TSC22D1: variants seen among roughly 807,000 people sequenced by gnomAD.
The protein encoded by TSC22D1 is TSC22 domain family protein 1.
In TSC22D1, 9 loss-of-function variants were observed where a neutral mutation model predicts 74.2. The ratio of observed to expected loss-of-function variants is 0.12; its 90% CI spans 0.07 to 0.21. The LOEUF is 0.21. Among genes scored for constraint, TSC22D1 ranks in the 10% least tolerant of loss-of-function variants. TSC22D1 has a pLI of 1.00. For missense variants in TSC22D1, 1,427 were observed against 1,304.7 expected, an observed-to-expected ratio of 1.09 and a Z score of -1.44; for synonymous variants, 586 against 492.5, an observed-to-expected ratio of 1.19 and a Z score of -2.51.
chr13:44,461,495 A>G (rs1876995440), intron 1 of TSC22D1, among the ~76,000 whole-genome samples: 1 of 152,214 alleles, frequency 6.6e-6, no homozygotes, highest in Non-Finnish European at 1.5e-5. Flanking sequence ...GATGGTGAGT[A>G]GTCAGTAAAG....
intron 1 of TSC22D1, among the ~76,000 whole-genome samples, chr13:44,528,620 G>T (rs1231151185): frequency 2.6e-5 from 4 of 151,770 alleles, no homozygotes; most frequent in African/African-American, 4.8e-5. Flanking sequence ...TGAAACAGAA[G>T]AGCAATATAA....
chr13:44,457,445 T>C (rs1876723550), intron 1 of TSC22D1, among the ~76,000 whole-genome samples: 2 of 152,090 alleles, frequency 1.3e-5, no homozygotes, highest in Non-Finnish European at 2.9e-5. Context: ...AATGAGAGAA[T>C]ATGTGATGAG....
At chr13:44,513,047 T>A (rs1467755586) in intron 1 of TSC22D1, among the ~76,000 whole-genome samples, 1 of 152,224 alleles carries the variant, frequency 6.6e-6, no homozygotes, top group East Asian at 1.9e-4. Flanking sequence ...TCACCTCCAG[T>A]CCTAACTTTC....
At chr13:44,481,903 T>C (rs1878195404) in intron 1 of TSC22D1, among the ~76,000 whole-genome samples, 1 of 152,190 alleles carries the variant, frequency 6.6e-6, no homozygotes, top group Non-Finnish European at 1.5e-5. Context: ...TATTTAGCAA[T>C]CACATACAAA....
upstream of TSC22D1, chr13:44,576,512 G>T: frequency 6.3e-6 from 1 of 158,256 alleles, no homozygotes; most frequent in Non-Finnish European, 1.4e-5. Context: ...CCTCCCGGCC[G>T]CTCTGCACGG....
At position 44,575,116 on chromosome 13, in the gene TSC22D1, G is replaced by A; in HGVS notation, c.959C>T (p.Ala320Val). The A allele has an allele frequency of 6.2e-7, 1 of 1,614,136 alleles. No individual in the cohort carries two copies. The highest frequency in any genetic ancestry group is 8.5e-7 in the Non-Finnish European group (1 of 1,180,032). ...CACATTAGGATTAAAACTACCCACA[G>A]CAGTAATGTTAACATTATTTACTGT... ...TSTVNNVNIT[A>V]VGSFNPNVTS... The change falls in exon 1 of 3, where the codon GCT becomes GTT. Residue 320 changes from alanine (A) to valine (V), a missense_variant. Coordinates refer to ENST00000458659, the MANE Select transcript of TSC22D1 (RefSeq NM_183422.4).
chr13:44,442,147 A>T (rs1170003105), intron 1 of TSC22D1, among the ~76,000 whole-genome samples: 1 of 152,208 alleles, frequency 6.6e-6, no homozygotes, highest in Admixed American at 6.5e-5. Context: ...GTCCTACATA[A>T]AGCAGTTTAA....
chr13:44,444,567 T>C (rs537608540), intron 1 of TSC22D1, among the ~76,000 whole-genome samples: 1 of 151,946 alleles, frequency 6.6e-6, no homozygotes. Context: ...AAGAATATTA[T>C]AAAGAATAAA....
chr13:44,539,142 G>C, intron 1 of TSC22D1: 4 of 985,258 alleles, frequency 4.1e-6, no homozygotes, highest in Non-Finnish European at 4.8e-6. Flanking sequence ...CTAGGGACTA[G>C]AAAATGACTT....
chr13:44,517,857 ATTTTTTTTTT>A (rs71070912), intron 1 of TSC22D1, among the ~76,000 whole-genome samples: 1 of 16,178 alleles, frequency 6.2e-5, no homozygotes, highest in African/African-American at 1.8e-4. Flanking sequence ...ATATATATAT[ATTTTTTTTTT>A]TTTTTTTTTT....
chr13:44,501,177 A>T (rs1211056365), intron 1 of TSC22D1, among the ~76,000 whole-genome samples: 1 of 152,188 alleles, frequency 6.6e-6, no homozygotes, highest in Non-Finnish European at 1.5e-5. Flanking sequence ...AGTGAGGGAC[A>T]ATTTAGAAGG....
intron 1 of TSC22D1, among the ~76,000 whole-genome samples, chr13:44,445,501 C>T (rs1050640821): frequency 6.6e-6 from 1 of 151,754 alleles, no homozygotes; most frequent in Non-Finnish European, 1.5e-5. Flanking sequence ...AAGCACAATC[C>T]ATGGAAGAAA....
At chr13:44,454,683 C>T (rs1876423934) in intron 1 of TSC22D1, among the ~76,000 whole-genome samples, 1 of 152,176 alleles carries the variant, frequency 6.6e-6, no homozygotes, top group Admixed American at 6.5e-5. Context: ...CCCTATTCTA[C>T]ACGTTATGTA....
chr13:44,437,744 C>T (rs928033411), intron 1 of TSC22D1, among the ~76,000 whole-genome samples: 8 of 152,182 alleles, frequency 5.3e-5, no homozygotes, highest in Admixed American at 3.3e-4. Context: ...GACTCAATCC[C>T]TCAATCCTAT....
chr13:44,490,060 C>A (rs1436856520), intron 1 of TSC22D1, among the ~76,000 whole-genome samples: 1 of 152,158 alleles, frequency 6.6e-6, no homozygotes, highest in South Asian at 2.1e-4. Context: ...CAAAGGTGTA[C>A]TAGCCCCCAG....
chr13:44,529,458 T>C (rs1482515541), intron 1 of TSC22D1, among the ~76,000 whole-genome samples: 2 of 151,956 alleles, frequency 1.3e-5, no homozygotes, highest in Non-Finnish European at 2.9e-5. Context: ...AAACCTACAG[T>C]GAACATCTCA....
intron 1 of TSC22D1, chr13:44,537,311 T>C (rs527808789): frequency 2.0e-6 from 2 of 981,464 alleles, no homozygotes; most frequent in African/African-American, 3.5e-5. Flanking sequence ...TTCACAATAA[T>C]ATACAAAAAG....
chr13:44,502,601 C>A (rs951353683), intron 1 of TSC22D1, among the ~76,000 whole-genome samples: 5 of 152,070 alleles, frequency 3.3e-5, no homozygotes, highest in African/African-American at 4.8e-5. Flanking sequence ...TCAAGAAATA[C>A]CAGTAAAGAA....
chr13:44,538,516 T>C lies in TSC22D1; in HGVS notation c.2912+34647A>G, dbSNP rs1881283365. 3.0e-6 allele frequency: 3 copies of C among 985,356 alleles called. No individual in the cohort carries two copies. In the South Asian group the frequency reaches 1.4e-4, roughly 46 times the overall value. The allele number at this position is 985,356 out of a possible 1,614,324, so 61.0% of individuals were successfully genotyped here. A position where few individuals can be genotyped will look rare whatever the true frequency, so the allele number is the denominator to read the frequency against. On this transcript the variant is annotated intron_variant, in intron 1 of 2. Transcript: ENST00000458659. The stretch of plus-strand genomic sequence containing the variant: ...AAGGTGATTTTCAATCCCACAAATG[T>C]TTTAAATGAAACAGATACAGAGAGC...
Sources: gnomAD v4.1 joint callset for allele counts (sites outside exome capture counted in the v4.1 genomes callset) on GRCh38, gnomAD v4.1.1 for gene constraint, MANE v1.5 for transcripts, NCBI Gene and HGNC (gene_info 2026-07-23, HGNC 2026-07-21) for gene names.